The following PTS variants were observed in gnomAD, a reference collection of about 807,000 sequenced individuals.
PTS encodes the protein 6-pyruvoyltetrahydropterin synthase, also known as 6-pyruvoyl tetrahydrobiopterin synthase.
A neutral mutation model predicts 20.6 loss-of-function variants in PTS; 23 were observed. The observed-to-expected ratio is 1.12, with a 90% CI of 0.80 to 1.58. PTS has a LOEUF of 1.58. Ranked by LOEUF, PTS falls within the 40% of genes most tolerant of loss-of-function variation. The pLI is 0.00. For synonymous variants in PTS, 65 were observed against 62.5 expected, an observed-to-expected ratio of 1.04 and a Z score of -0.19; for missense variants, 186 against 182.4, an observed-to-expected ratio of 1.02 and a Z score of -0.11.
intron 2 of PTS, among the ~76,000 whole-genome samples, chr11:112,229,680 C>G (rs955543840): frequency 6.6e-6 from 1 of 152,210 alleles, no homozygotes; most frequent in Non-Finnish European, 1.5e-5. Flanking sequence ...GCTTGAGCCA[C>G]CACGCCTGGC....
In PTS at chr11:112,230,700, G is replaced by A; in HGVS notation, c.243+18G>A. ...ATATGGAGGTAATGGCATGTTGGGT[G>A]CTTATTATGTGCTATTCCCTAACTG... On this transcript the variant is annotated intron_variant, in intron 4 of 5. Coordinates refer to ENST00000280362, the MANE Select transcript of PTS (RefSeq NM_000317.3). The A allele has an allele frequency of 6.3e-7, 1 of 1,595,366 alleles. No individual in the cohort carries two copies. The highest frequency in any genetic ancestry group is 8.6e-7 in the Non-Finnish European group (1 of 1,163,074).
At chr11:112,227,674 T>G (rs1297809441) in intron 1 of PTS, among the ~76,000 whole-genome samples, 1 of 151,942 alleles carries the variant, frequency 6.6e-6, no homozygotes, top group East Asian at 1.9e-4. Context: ...GTGCCAGGCT[T>G]TTTTTAACAA....
intron 4 of PTS, 116 bp from the exon 5 acceptor site, chr11:112,233,047 A>G: frequency 9.8e-7 from 1 of 1,022,944 alleles, no homozygotes; most frequent in Non-Finnish European, 1.6e-6. Context: ...TCTAGTACTT[A>G]CAAATATTTA....
chr11:112,233,753 G>A lies in PTS; in HGVS notation c.*198G>A. 1 of 564,148 alleles carries A rather than the reference G, an allele frequency of 1.8e-6. No homozygotes were observed. Among genetic ancestry groups the A allele is most frequent in the Non-Finnish European group, 2.6e-6 (1 of 378,162 alleles). The allele number at this position is 564,148 out of a possible 1,614,324, so 34.9% of individuals were successfully genotyped here. ...AAACTAAACTTGTAATATACATCCT[G>A]AAAATCATTTAGAGAGTCTTTTATT... On this transcript the variant is annotated 3_prime_UTR_variant, in exon 6 of 6. Coordinates refer to ENST00000280362, the MANE Select transcript of PTS (RefSeq NM_000317.3).
intron 4 of PTS, among the ~76,000 whole-genome samples, chr11:112,230,884 G>A (rs1384794496): frequency 1.3e-5 from 2 of 152,228 alleles, no homozygotes; most frequent in African/African-American, 4.8e-5. Context: ...ATTAGTCACA[G>A]TTGTGTTACA....
rs17851590 is a variant in PTS at position 112,233,459 on chromosome 11, C to G, written c.342C>G (p.Ile114Met). ...VSTTENVAVY[I>M]WDNLQKVLPV... is the part of the protein sequence containing the mutation. ...CGACTGAAAATGTAGCTGTTTATAT[C>G]TGGGACAACCTCCAGAAAGTTCTTC... is the stretch of plus-strand genomic sequence containing the variant. The change falls in exon 6 of 6, where the codon ATC becomes ATG. Residue 114 changes from isoleucine to methionine, a missense_variant. Physicochemically the swap from Ile to Met is conservative, Grantham distance 10 (BLOSUM62 1). Coordinates refer to ENST00000280362, the MANE Select transcript of PTS (RefSeq NM_000317.3). 6.2e-7 allele frequency: 1 copy of G among 1,612,412 alleles called. No homozygotes were observed. The highest frequency in any genetic ancestry group is 8.5e-7 in the Non-Finnish European group (1 of 1,179,584).
chr11:112,229,465 C>T (rs1221975572), intron 2 of PTS: 2 of 151,482 alleles, frequency 1.3e-5, no homozygotes, highest in Admixed American at 1.3e-4. Context: ...GATCTCCCGT[C>T]ACTACAACCT....
chr11:112,227,280 A>G (rs1252556664), intron 1 of PTS, among the ~76,000 whole-genome samples: 1 of 151,994 alleles, frequency 6.6e-6, no homozygotes, highest in African/African-American at 2.4e-5. Context: ...TCGCTAAACC[A>G]GGTTTTGTTT....
intron 1 of PTS, 78 bp from the exon 2 acceptor site, chr11:112,228,516 A>G: frequency 8.1e-7 from 1 of 1,228,138 alleles, no homozygotes; most frequent in Non-Finnish European, 1.1e-6. Flanking sequence ...CAGTACAAAT[A>G]ATAAATATAA....
At chr11:112,232,031 T>C (rs1351973567) in intron 4 of PTS, among the ~76,000 whole-genome samples, 3 of 152,102 alleles carry the variant, frequency 2.0e-5, no homozygotes, top group Non-Finnish European at 4.4e-5. Context: ...GACTAAATAC[T>C]GGAGGAGGGC....
intron 4 of PTS, among the ~76,000 whole-genome samples, chr11:112,231,021 T>C (rs1255105909): frequency 1.3e-5 from 2 of 151,120 alleles, no homozygotes; most frequent in African/African-American, 4.9e-5. Flanking sequence ...TGTCTTTCTT[T>C]TTTTTTTTTT....
At position 112,228,680 on chromosome 11, in the gene PTS, G is replaced by A. The variant is rs1384844563; in HGVS notation, c.163+7G>A. On this transcript the variant is annotated splice_region_variant and intron_variant, in intron 2 of 5. Coordinates refer to ENST00000280362, the MANE Select transcript of PTS (RefSeq NM_000317.3). ...CATGGGCACAATTATAAAGGTGAGA[G>A]AAAAACTGATGACATTTCAGCCCTT... 3.9e-5 allele frequency: 63 copies of A among 1,606,264 alleles called. No individual in the cohort carries two copies. The highest frequency in any genetic ancestry group is 5.3e-5 in the Non-Finnish European group (62 of 1,174,212).
Position 112,230,700 on chromosome 11 carries a change from G to C in PTS, c.243+18G>C. ...ATATGGAGGTAATGGCATGTTGGGTGCTTATTATGTGCTATTCCCTAACTG... is the reference window on the plus strand; with the variant it reads ...ATATGGAGGTAATGGCATGTTGGGTCCTTATTATGTGCTATTCCCTAACTG... On this transcript the variant is annotated intron_variant, in intron 4 of 5. Transcript: ENST00000280362. 6.3e-7 allele frequency: 1 copy of C among 1,595,366 alleles called. No homozygotes were observed. The highest frequency in any genetic ancestry group is 1.1e-5 in the South Asian group (1 of 90,722).
At chr11:112,229,346 A>G (rs1409390160) in intron 2 of PTS, 1 of 152,308 alleles carries the variant, frequency 6.6e-6, no homozygotes, top group Non-Finnish European at 1.5e-5. Context: ...AAATACATAA[A>G]TTCATAAAAG....
At chr11:112,231,642 G>A (rs45504797) in intron 4 of PTS, among the ~76,000 whole-genome samples, 5,507 of 151,906 alleles carry the variant, frequency 0.036, 158 homozygotes, top group Non-Finnish European at 0.057. Context: ...TCTCTACTTC[G>A]CATCAGTTTT....
In PTS at chr11:112,226,500, C is replaced by T. The variant is rs2135407185; in HGVS notation, c.57C>T (p.Ser19=). ...RCQAQVSRRI[S]FSASHRLYSK... ...AGGCACAAGTGTCCCGCCGCATCTCCTTCAGCGCGAGCCACCGATTGTACA... is the reference window on the plus strand; with the variant it reads ...AGGCACAAGTGTCCCGCCGCATCTCTTTCAGCGCGAGCCACCGATTGTACA... Residue 19 remains serine, a synonymous_variant, in exon 1 of 6, where the codon TCC becomes TCT. Transcript: ENST00000280362. 1 of 1,586,142 alleles carries T rather than the reference C, an allele frequency of 6.3e-7. No homozygotes were observed. Among genetic ancestry groups the T allele is most frequent in the Non-Finnish European group, 8.6e-7 (1 of 1,168,778 alleles).
At chr11:112,227,624 A>G (rs1414456396) in intron 1 of PTS, among the ~76,000 whole-genome samples, 1 of 152,078 alleles carries the variant, frequency 6.6e-6, no homozygotes, top group Non-Finnish European at 1.5e-5. Flanking sequence ...CAAGCAGGCA[A>G]CTCACAGGGC....
At chr11:112,226,793 G>A (rs534221410) in intron 1 of PTS, among the ~76,000 whole-genome samples, 76 of 152,028 alleles carry the variant, frequency 5.0e-4, no homozygotes, top group African/African-American at 1.7e-3. Context: ...TGGGTGCGGG[G>A]CCCACACCCG....
intron 2 of PTS, 36 bp from the exon 3 acceptor site, chr11:112,230,172 A>C (rs1295512807): frequency 6.3e-7 from 1 of 1,598,590 alleles, no homozygotes; most frequent in South Asian, 1.1e-5. Flanking sequence ...GTTGAAAGTC[A>C]TGCTGTTTTT....
Sources: allele counts gnomAD v4.1 joint callset (sites outside exome capture counted in the v4.1 genomes callset), GRCh38; gene constraint gnomAD v4.1.1; transcripts MANE v1.5; gene names NCBI Gene and HGNC (gene_info 2026-07-23, HGNC 2026-07-21).